Variants in BCKDHB observed in about 807,000 individuals in gnomAD.
BCKDHB encodes 2-oxoisovalerate dehydrogenase subunit beta, mitochondrial.
Under a neutral mutation model 48.5 loss-of-function variants are expected in BCKDHB, and 41 were observed. The ratio of observed to expected loss-of-function variants is 0.85; its 90% CI spans 0.66 to 1.10. The LOEUF (loss-of-function observed/expected upper bound fraction) is 1.10. Among genes scored for constraint, BCKDHB ranks in the 50% least tolerant of loss-of-function variants. The probability of loss-of-function intolerance (pLI) is 0.00; values close to 1 mark genes in which losing one functional copy is unlikely to be tolerated. For synonymous variants in BCKDHB, 201 were observed against 174.8 expected (o/e 1.15, Z -1.18); for missense variants, 496 against 494.2 (o/e 1.00, Z -0.03).
intron 1 of BCKDHB, among the ~76,000 whole-genome samples, chr6:80,120,530 C>A (rs1387901552): frequency 6.6e-6 from 1 of 151,972 alleles, no homozygotes; most frequent in Non-Finnish European, 1.5e-5. Context: ...TCTGTTGTTT[C>A]TTGACTTTTT....
At chr6:80,208,596 A>G (rs1417178909) in intron 8 of BCKDHB, among the ~76,000 whole-genome samples, 2 of 151,836 alleles carry the variant, frequency 1.3e-5, no homozygotes, top group African/African-American at 4.8e-5. Flanking sequence ...AAGGACAAAT[A>G]TTTGTTTGTA....
the BCKDHB span, among the ~76,000 whole-genome samples, chr6:80,425,331 C>T: frequency 6.6e-6 from 1 of 152,136 alleles, no homozygotes; most frequent in Non-Finnish European, 1.5e-5. Context: ...AATTGTGCAA[C>T]CACTGAGCTG....
At chr6:80,456,087 C>T in the BCKDHB span, among the ~76,000 whole-genome samples, 1 of 151,894 alleles carries the variant, frequency 6.6e-6, no homozygotes, top group East Asian at 1.9e-4. Context: ...TGGTGATGGG[C>T]GCCTGTAGTC....
intron 9 of BCKDHB, among the ~76,000 whole-genome samples, chr6:80,316,800 A>G (rs1176004332): frequency 6.6e-6 from 1 of 152,196 alleles, no homozygotes; most frequent in Non-Finnish European, 1.5e-5. Context: ...TTCTTGTTTC[A>G]TGCATAGACT....
intron 9 of BCKDHB, among the ~76,000 whole-genome samples, chr6:80,318,974 G>A (rs1768579694): frequency 6.6e-6 from 1 of 152,168 alleles, no homozygotes; most frequent in East Asian, 1.9e-4. Context: ...GTTGACATAT[G>A]TGTATATTTA....
chr6:80,336,845 T>C (rs1246621372), intron 9 of BCKDHB, among the ~76,000 whole-genome samples: 2 of 152,082 alleles, frequency 1.3e-5, no homozygotes, highest in African/African-American at 4.8e-5. Context: ...AGCATACTTC[T>C]AACATTTGGG....
chr6:80,339,061 G>A (rs144513266), intron 9 of BCKDHB, among the ~76,000 whole-genome samples: 148 of 152,196 alleles, frequency 9.7e-4, no homozygotes, highest in Non-Finnish European at 1.0e-3. Context: ...CTGAGACAGA[G>A]GTTTCAGTGA....
chr6:80,161,099 A>G (rs767801432), intron 3 of BCKDHB, among the ~76,000 whole-genome samples: 35 of 152,172 alleles, frequency 2.3e-4, no homozygotes, highest in Non-Finnish European at 4.1e-4. Flanking sequence ...ACTGAATTAA[A>G]CATTTGCTGA....
intron 6 of BCKDHB, among the ~76,000 whole-genome samples, chr6:80,173,605 A>G (rs1162938679): frequency 6.6e-6 from 1 of 152,134 alleles, no homozygotes; most frequent in Non-Finnish European, 1.5e-5. Context: ...GTAGCCCTAT[A>G]GATTATTCTG....
intron 8 of BCKDHB, among the ~76,000 whole-genome samples, chr6:80,243,670 C>T (rs987171084): frequency 3.3e-5 from 5 of 152,110 alleles, no homozygotes; most frequent in Non-Finnish European, 5.9e-5. Flanking sequence ...GTAACTGGGA[C>T]CACAGGTGTG....
At chr6:80,387,420 G>A in the BCKDHB span, among the ~76,000 whole-genome samples, 2 of 152,164 alleles carry the variant, frequency 1.3e-5, no homozygotes, top group Admixed American at 1.3e-4. Flanking sequence ...GCAGAGATTA[G>A]TGCCACCATC....
intron 7 of BCKDHB, 51 bp downstream of exon 7, chr6:80,201,082 C>T: frequency 1.4e-6 from 2 of 1,436,596 alleles, no homozygotes; most frequent in Non-Finnish European, 2.0e-6. Flanking sequence ...CTTGGAAGCT[C>T]TCATTTTAAA....
At chr6:80,252,068 A>G (rs141787659) in intron 8 of BCKDHB, among the ~76,000 whole-genome samples, 2 of 152,302 alleles carry the variant, frequency 1.3e-5, no homozygotes, top group African/African-American at 2.4e-5. Flanking sequence ...AAGCATCCCA[A>G]CTTTACTACT....
chr6:80,199,122 T>C (rs1262387523), intron 6 of BCKDHB, among the ~76,000 whole-genome samples: 1 of 152,118 alleles, frequency 6.6e-6, no homozygotes, highest in East Asian at 1.9e-4. Flanking sequence ...CCAAGTTTTG[T>C]GCCCTGGCTG....
chr6:80,331,394 A>G (rs536569576), intron 9 of BCKDHB, among the ~76,000 whole-genome samples: 4 of 152,206 alleles, frequency 2.6e-5, no homozygotes, highest in Non-Finnish European at 5.9e-5. Flanking sequence ...TGTGTTAACC[A>G]TTCCATAAAT....
chr6:80,233,938 T>A (rs887641180), intron 8 of BCKDHB, among the ~76,000 whole-genome samples: 1 of 152,104 alleles, frequency 6.6e-6, no homozygotes, highest in African/African-American at 2.4e-5. Context: ...TGGAAGACAA[T>A]TTTTCCACAG....
chr6:80,173,580 G>T (rs527627044), intron 6 of BCKDHB, among the ~76,000 whole-genome samples: 28 of 152,112 alleles, frequency 1.8e-4, no homozygotes, highest in Non-Finnish European at 4.0e-4. Flanking sequence ...GCAGAGCCCA[G>T]CTCTCTTTGT....
intron 6 of BCKDHB, among the ~76,000 whole-genome samples, chr6:80,180,647 C>CGTA (rs1374653741): frequency 2.5e-4 from 38 of 152,236 alleles, no homozygotes; most frequent in Admixed American, 1.6e-3. Context: ...AAAAATAGGA[C>CGTA]ATAATGATAT....
intron 9 of BCKDHB, among the ~76,000 whole-genome samples, chr6:80,309,229 A>C (rs1466943496): frequency 6.6e-6 from 1 of 151,622 alleles, no homozygotes; most frequent in Non-Finnish European, 1.5e-5. Flanking sequence ...ACACCTGGCT[A>C]ATTTTTGTAT....
Sources: allele counts gnomAD v4.1 joint callset (sites outside exome capture counted in the v4.1 genomes callset), GRCh38; gene constraint gnomAD v4.1.1; transcripts MANE v1.5; gene names NCBI Gene and HGNC (gene_info 2026-07-23, HGNC 2026-07-21).